Variants in CEP128 observed in about 807,000 individuals in gnomAD.
The protein encoded by CEP128 is centrosomal protein 128.
A neutral mutation model predicts 156.7 loss-of-function variants in CEP128; 132 were observed. That is an observed-to-expected ratio of 0.84 (90% confidence interval 0.73 to 0.97). CEP128 has a LOEUF of 0.97. Ranked by LOEUF, CEP128 falls within the 50% of genes least tolerant of loss-of-function variation. The pLI, the probability that CEP128 is intolerant of heterozygous loss-of-function variation, is 0.00. For synonymous variants in CEP128, 469 were observed against 448.9 expected (o/e 1.04, Z -0.57); for missense variants, 1,252 against 1,281.9 (o/e 0.98, Z 0.36).
intron 19 of CEP128, among the ~76,000 whole-genome samples, chr14:80,667,178 T>A (rs186637168): frequency 1.8e-4 from 27 of 152,256 alleles, no homozygotes; most frequent in African/African-American, 6.5e-4. Flanking sequence ...ACAGGACCTT[T>A]GGTTAAAGCC....
intron 16 of CEP128, among the ~76,000 whole-genome samples, chr14:80,767,099 A>G (rs1900276770): frequency 6.6e-6 from 1 of 152,126 alleles, no homozygotes; most frequent in Non-Finnish European, 1.5e-5. Flanking sequence ...CTGACTCTCT[A>G]AAGAAGGCCC....
intron 4 of CEP128, among the ~76,000 whole-genome samples, chr14:80,911,009 A>T (rs1426688674): frequency 6.6e-6 from 1 of 152,232 alleles, no homozygotes; most frequent in African/African-American, 2.4e-5. Context: ...AAATTCTCAC[A>T]GAGATCTCTG....
intron 19 of CEP128, among the ~76,000 whole-genome samples, chr14:80,713,307 G>T (rs1263266963): frequency 6.6e-6 from 1 of 151,988 alleles, no homozygotes; most frequent in Non-Finnish European, 1.5e-5. Flanking sequence ...CTTCTAATTT[G>T]TTGAAATATA....
At chr14:80,610,807 T>G (rs182814350) in intron 19 of CEP128, among the ~76,000 whole-genome samples, 1 of 152,270 alleles carries the variant, frequency 6.6e-6, no homozygotes, top group East Asian at 1.9e-4. Context: ...GGAAACTTGT[T>G]AAATAAATTA....
At chr14:80,860,864 G>T (rs1373762768) in intron 9 of CEP128, among the ~76,000 whole-genome samples, 1 of 151,850 alleles carries the variant, frequency 6.6e-6, no homozygotes, top group Non-Finnish European at 1.5e-5. Flanking sequence ...AAAGATTAAC[G>T]ATCTACAAGC....
chr14:80,491,286 A>C (rs1388779852), intron 6 of CEP128, among the ~76,000 whole-genome samples: 2 of 152,224 alleles, frequency 1.3e-5, no homozygotes, highest in South Asian at 2.1e-4. Flanking sequence ...GTCAAAGCAC[A>C]GAATGAACCT....
intron 19 of CEP128, among the ~76,000 whole-genome samples, chr14:80,656,471 T>C (rs981061094): frequency 6.6e-6 from 1 of 150,684 alleles, no homozygotes; most frequent in Non-Finnish European, 1.5e-5. Flanking sequence ...CAGCATAGAA[T>C]ATGAGAGCCG....
intron 4 of CEP128, among the ~76,000 whole-genome samples, chr14:80,910,611 T>A (rs1884152670): frequency 6.6e-6 from 1 of 152,152 alleles, no homozygotes; most frequent in African/African-American, 2.4e-5. Flanking sequence ...CTATACAGCC[T>A]GTGGAACGGT....
At chr14:80,949,020 T>C (rs1886401780) in intron 2 of CEP128, among the ~76,000 whole-genome samples, 1 of 152,132 alleles carries the variant, frequency 6.6e-6, no homozygotes, top group Non-Finnish European at 1.5e-5. Flanking sequence ...TAAAATGTTA[T>C]AGGTTTCAGC....
chr14:80,539,886 A>G (rs1889664304), intron 21 of CEP128, among the ~76,000 whole-genome samples: 2 of 152,088 alleles, frequency 1.3e-5, no homozygotes, highest in Admixed American at 1.3e-4. Flanking sequence ...TATGTGGTTG[A>G]GATAAGGACT....
At chr14:80,533,643 GTTA>G (rs1159565303) in intron 21 of CEP128, among the ~76,000 whole-genome samples, 1 of 151,700 alleles carries the variant, frequency 6.6e-6, no homozygotes, top group African/African-American at 2.4e-5. Context: ...TCTCAGTGCA[GTTA>G]TTTTTATTCT....
intron 8 of CEP128, among the ~76,000 whole-genome samples, chr14:80,875,323 C>T (rs528644533): frequency 1.3e-5 from 2 of 152,246 alleles, no homozygotes; most frequent in South Asian, 4.2e-4. Context: ...TAGTCTATAA[C>T]AAAAAATAAA....
chr14:80,766,612 A>G (rs1260818382), intron 16 of CEP128, among the ~76,000 whole-genome samples: 1 of 152,162 alleles, frequency 6.6e-6, no homozygotes, highest in Non-Finnish European at 1.5e-5. Context: ...TTTATTTAGA[A>G]TATGGCTATT....
At chr14:80,793,485 A>C (rs1366659747) in intron 13 of CEP128, among the ~76,000 whole-genome samples, 2 of 152,212 alleles carry the variant, frequency 1.3e-5, no homozygotes, top group African/African-American at 4.8e-5. Context: ...AGGTTATCAG[A>C]GAACTATTAG....
At chr14:80,563,524 CTTTTTTTTTT>C (rs540593415) in intron 20 of CEP128, among the ~76,000 whole-genome samples, 3 of 78,872 alleles carry the variant, frequency 3.8e-5, no homozygotes, top group Non-Finnish European at 6.6e-5. Flanking sequence ...GCCTCCAAAT[CTTTTTTTTTT>C]TTTTTTTTTT....
intron 23 of CEP128, among the ~76,000 whole-genome samples, chr14:80,524,167 C>A (rs1000795671): frequency 6.6e-6 from 1 of 152,154 alleles, no homozygotes; most frequent in Non-Finnish European, 1.5e-5. Flanking sequence ...TTCCCCAACC[C>A]CACACCCACA....
intron 8 of CEP128, among the ~76,000 whole-genome samples, chr14:80,880,634 A>G (rs1021437814): frequency 6.6e-6 from 1 of 151,726 alleles, no homozygotes; most frequent in African/African-American, 2.4e-5. Context: ...AGGTGGGCGG[A>G]TCACGAGGTC....
chr14:80,583,196 A>G lies in CEP128; in HGVS notation c.2807-2773T>C, dbSNP rs534119946. ...TACTCTTCCAACAAATCTGATGCCA[A>G]TGACAATGCTTGACTTGGGATGGCT... On this transcript the variant is annotated intron_variant, in intron 19 of 24. Coordinates refer to ENST00000555265, the MANE Select transcript of CEP128 (RefSeq NM_152446.5). 9.4e-4 allele frequency among the ~76,000 whole-genome samples: 143 copies of G among 152,354 alleles called. 1 individual carries two copies. Among genetic ancestry groups the G allele is most frequent in the African/African-American group, 3.3e-3 (137 of 41,592 alleles).
chr14:80,777,327 C>A (rs2139767119), intron 16 of CEP128, among the ~76,000 whole-genome samples: 1 of 152,312 alleles, frequency 6.6e-6, no homozygotes, highest in Admixed American at 6.5e-5. Context: ...CTCTCCACTT[C>A]TGTTATGTGA....
Sources: gnomAD v4.1 joint callset for allele counts (sites outside exome capture counted in the v4.1 genomes callset) on GRCh38, gnomAD v4.1.1 for gene constraint, MANE v1.5 for transcripts, NCBI Gene and HGNC (gene_info 2026-07-23, HGNC 2026-07-21) for gene names.